The following SEMA4D variants were observed in gnomAD, a reference collection of about 807,000 sequenced individuals.
SEMA4D encodes semaphorin 4D.
A neutral mutation model predicts 74.8 loss-of-function variants in SEMA4D; 22 were observed. That is an observed-to-expected ratio of 0.29 (90% confidence interval 0.21 to 0.42). The LOEUF is 0.42. SEMA4D is among the 10% of genes least tolerant of loss of function. The pLI, the probability that SEMA4D is intolerant of heterozygous loss-of-function variation, is 1.00. For missense variants in SEMA4D, 937 were observed against 1,118.4 expected (o/e 0.84, Z 2.31); for synonymous variants, 445 against 463.7 (o/e 0.96, Z 0.52).
intron 1 of SEMA4D, among the ~76,000 whole-genome samples, chr9:89,483,828 G>C (rs1824922674): frequency 6.6e-6 from 1 of 152,208 alleles, no homozygotes; most frequent in South Asian, 2.1e-4. Flanking sequence ...CACCCACACA[G>C]CCAGGCTGCC....
intron 2 of SEMA4D, among the ~76,000 whole-genome samples, chr9:89,420,978 A>G (rs1252161295): frequency 6.6e-6 from 1 of 152,246 alleles, no homozygotes; most frequent in Non-Finnish European, 1.5e-5. Context: ...AGCCAGTTAT[A>G]TCTGCCTAGC....
At chr9:89,423,485 C>T (rs1311734026) in intron 2 of SEMA4D, among the ~76,000 whole-genome samples, 4 of 152,148 alleles carry the variant, frequency 2.6e-5, no homozygotes, top group Non-Finnish European at 2.9e-5. Context: ...CCACTGTGTC[C>T]GGCCAGCTCA....
Position 89,492,254 on chromosome 9 carries a change from C to T in SEMA4D, c.-310+5665G>A, listed in dbSNP as rs1417200588. Among the ~76,000 whole-genome samples the T allele has an allele frequency of 6.6e-6, 1 of 152,180 alleles. No individual in the cohort carries two copies. Among genetic ancestry groups the T allele is most frequent in the East Asian group, 1.9e-4 (1 of 5,188 alleles). ...TTCGTGACCTCCGCTGTCACCCTCC[C>T]TCTCATGCAAGCTGCATGTGGCCTC... On this transcript the variant is annotated intron_variant, in intron 1 of 15. Coordinates refer to ENST00000422704, the MANE Select transcript of SEMA4D (RefSeq NM_001371194.2). This position sits in a 1 kb window ranked among gnomAD's most constrained non-coding sequence, Gnocchi z 4.3.
intron 2 of SEMA4D, among the ~76,000 whole-genome samples, chr9:89,428,384 AT>A (rs2134496121): frequency 6.6e-6 from 1 of 152,366 alleles, no homozygotes; most frequent in Non-Finnish European, 1.5e-5. Context: ...GGCAAGACCC[AT>A]ATGACCTGCC....
At chr9:89,462,976 GA>G (rs1175786279) in intron 1 of SEMA4D, among the ~76,000 whole-genome samples, 2 of 115,338 alleles carry the variant, frequency 1.7e-5, no homozygotes, top group Non-Finnish European at 2.1e-5. Flanking sequence ...GAGGGGAGGG[GA>G]GCGAGGGAGA....
chr9:89,384,765 G>A (rs1004638581), intron 13 of SEMA4D: 59 of 985,282 alleles, frequency 6.0e-5, no homozygotes, highest in Non-Finnish European at 6.7e-5. Context: ...GGTACTGGCC[G>A]TTTCTCCATT....
intron 1 of SEMA4D, among the ~76,000 whole-genome samples, chr9:89,456,832 T>C (rs897562033): frequency 1.3e-5 from 2 of 152,220 alleles, no homozygotes; most frequent in Non-Finnish European, 2.9e-5. Flanking sequence ...TAAAGTGATC[T>C]GCCCGCCTTG....
At chr9:89,429,895 T>C (rs1210038037) in intron 2 of SEMA4D, among the ~76,000 whole-genome samples, 2 of 152,188 alleles carry the variant, frequency 1.3e-5, no homozygotes, top group Non-Finnish European at 2.9e-5. Context: ...AGAATGCAGC[T>C]GTGGGTTTCT....
intron 1 of SEMA4D, among the ~76,000 whole-genome samples, chr9:89,458,425 G>A (rs1314208546): frequency 6.6e-6 from 1 of 152,098 alleles, no homozygotes; most frequent in Non-Finnish European, 1.5e-5. Context: ...TCCTACGGAA[G>A]GCCAACCCAT....
intron 1 of SEMA4D, among the ~76,000 whole-genome samples, chr9:89,479,261 G>A (rs568050496): frequency 6.6e-6 from 1 of 152,352 alleles, no homozygotes; most frequent in Admixed American, 6.5e-5. Flanking sequence ...CAGTCAGGAA[G>A]TAACCCAGAT....
intron 1 of SEMA4D, among the ~76,000 whole-genome samples, chr9:89,461,859 C>A (rs530466672): frequency 1.3e-5 from 2 of 151,812 alleles, no homozygotes; most frequent in Non-Finnish European, 2.9e-5. Flanking sequence ...TGCGCCACTA[C>A]GCCCGGCTAA....
chr9:89,393,965 C>T (rs1840380812), intron 6 of SEMA4D, among the ~76,000 whole-genome samples: 1 of 152,218 alleles, frequency 6.6e-6, no homozygotes, highest in African/African-American at 2.4e-5. Context: ...GCTGGAAAGC[C>T]ACCAGGATAA....
intron 2 of SEMA4D, among the ~76,000 whole-genome samples, chr9:89,406,235 A>G (rs1430244167): frequency 6.6e-6 from 1 of 152,170 alleles, no homozygotes; most frequent in African/African-American, 2.4e-5. Flanking sequence ...GCACGGATGT[A>G]CACCTGTAGA....
At chr9:89,371,818 GTGTC>G (rs1210096463) in intron 16 of SEMA4D, among the ~76,000 whole-genome samples, 1 of 72,978 alleles carries the variant, frequency 1.4e-5, no homozygotes, top group Non-Finnish European at 2.7e-5. Flanking sequence ...GGGGGTGTGT[GTGTC>G]TGGGGTGTGG....
In SEMA4D at chr9:89,492,843, T is replaced by G. The variant is rs1295013317; in HGVS notation, c.-310+5076A>C. Among the ~76,000 whole-genome samples, 2 of 152,134 alleles carry G rather than the reference T, an allele frequency of 1.3e-5. No homozygotes were observed. The highest frequency in any genetic ancestry group is 4.8e-5 in the African/African-American group (2 of 41,418). On this transcript the variant is annotated intron_variant, in intron 1 of 15. Transcript: ENST00000422704. This position sits in a 1 kb window ranked among gnomAD's most constrained non-coding sequence, Gnocchi z 4.3. ...CCTCCTACCATTGCTCATGTGTGCC[T>G]AAGTGTCCCCTCACCACTCCTCACC... is the stretch of plus-strand genomic sequence containing the variant.
At chr9:89,370,544 G>A (rs916927403) in intron 16 of SEMA4D, among the ~76,000 whole-genome samples, 1 of 150,914 alleles carries the variant, frequency 6.6e-6, no homozygotes, top group Admixed American at 6.6e-5. Context: ...CATGTGGTGT[G>A]AGGGGGTGTG....
intron 2 of SEMA4D, among the ~76,000 whole-genome samples, chr9:89,407,345 G>A (rs1843538610): frequency 6.6e-6 from 1 of 152,208 alleles, no homozygotes; most frequent in African/African-American, 2.4e-5. Flanking sequence ...GAACTAGAAT[G>A]TGATGGCTGG....
At chr9:89,394,342 A>T (rs529348721) in intron 6 of SEMA4D, among the ~76,000 whole-genome samples, 41 of 152,340 alleles carry the variant, frequency 2.7e-4, no homozygotes, top group African/African-American at 9.1e-4. Context: ...AATATGTGAC[A>T]AACTGGGGGA....
chr9:89,384,089 C>G (rs2132875641), intron 13 of SEMA4D, among the ~76,000 whole-genome samples: 1 of 152,318 alleles, frequency 6.6e-6, no homozygotes, highest in East Asian at 1.9e-4. Flanking sequence ...GGTGAAAATA[C>G]AGACACAGCC....
Sources: allele counts gnomAD v4.1 joint callset (sites outside exome capture counted in the v4.1 genomes callset), GRCh38; gene constraint gnomAD v4.1.1; non-coding constraint Gnocchi (gnomAD v3.1); transcripts MANE v1.5; gene names NCBI Gene and HGNC (gene_info 2026-07-23, HGNC 2026-07-21).